Variants in C2CD3 observed in about 807,000 individuals in gnomAD.
C2CD3 encodes C2 domain containing 3 centriole elongation regulator.
A neutral mutation model predicts 234.0 loss-of-function variants in C2CD3; 148 were observed. That is an observed-to-expected ratio of 0.63 (90% CI 0.55 to 0.72). The LOEUF (loss-of-function observed/expected upper bound fraction) is 0.72, where lower values mean the gene tolerates loss of function less well. Ranked by LOEUF, C2CD3 falls within the 30% of genes least tolerant of loss-of-function variation. The probability of loss-of-function intolerance (pLI) is 0.00; values close to 1 mark genes in which losing one functional copy is unlikely to be tolerated. For missense variants in C2CD3, 2,577 were observed against 2,811.5 expected (o/e 0.92, Z 1.89); for synonymous variants, 1,000 against 1,035.4 (o/e 0.97, Z 0.66).
intron 24 of C2CD3, among the ~76,000 whole-genome samples, chr11:74,066,719 C>CAT (rs1954559219): frequency 6.6e-6 from 1 of 151,646 alleles, no homozygotes; most frequent in African/African-American, 2.4e-5. Context: ...TGACATGCAT[C>CAT]ATAGTCAATC....
At chr11:74,117,046 G>GTATA (rs1956997476) in intron 9 of C2CD3, among the ~76,000 whole-genome samples, 1 of 42,464 alleles carries the variant, frequency 2.4e-5, no homozygotes, top group Non-Finnish European at 5.6e-5. Flanking sequence ...ATACGTGTGT[G>GTATA]TGTATATATA....
chr11:74,060,157 G>A (rs1954164748), intron 24 of C2CD3, among the ~76,000 whole-genome samples: 2 of 152,200 alleles, frequency 1.3e-5, no homozygotes, highest in South Asian at 4.1e-4. Flanking sequence ...AGCTCAAGGA[G>A]GCTTGCCTGC....
chr11:74,057,959 T>TCAAC lies in C2CD3; in HGVS notation c.4952-416_4952-415insGTTG, dbSNP rs142800517. Among the ~76,000 whole-genome samples, 198 of 152,190 alleles carry TCAAC rather than the reference T, an allele frequency of 1.3e-3. 3 individuals carry two copies. The highest frequency in any genetic ancestry group is 4.0e-3 in the African/African-American group (166 of 41,508). On this transcript the variant is annotated intron_variant, in intron 24 of 32. Transcript: ENST00000334126. Reference sequence around the variant, plus strand: ...GGGGTACAGAGTGAGACCGTGTCAATCAATCAATCAATCAATTGATGACAT... The same window carrying TCAAC: ...GGGGTACAGAGTGAGACCGTGTCAATCAACCAATCAATCAATCAATTGATGACAT...
intron 30 of C2CD3, chr11:74,036,149 C>T (rs754716982): frequency 9.0e-5 from 23 of 256,862 alleles, no homozygotes; most frequent in Non-Finnish European, 1.3e-4. Flanking sequence ...TGTGAGCCAC[C>T]GTGCCTGGCC....
chr11:74,116,364 G>A (rs939611793), intron 9 of C2CD3, among the ~76,000 whole-genome samples: 5 of 151,612 alleles, frequency 3.3e-5, no homozygotes, highest in African/African-American at 7.3e-5. Context: ...GCCAACAAAC[G>A]TATGAAAATA....
At chr11:74,101,436 G>C (rs1956311933) in intron 14 of C2CD3, among the ~76,000 whole-genome samples, 1 of 152,178 alleles carries the variant, frequency 6.6e-6, no homozygotes, top group Admixed American at 6.5e-5. Context: ...AAGGGATGAT[G>C]AGAGGAAGAC....
At chr11:74,023,086 A>T (rs1952152990) in intron 32 of C2CD3, among the ~76,000 whole-genome samples, 1 of 152,190 alleles carries the variant, frequency 6.6e-6, no homozygotes, top group Non-Finnish European at 1.5e-5. Flanking sequence ...CTGTGGGAGG[A>T]GGGAGGGGAA....
intron 8 of C2CD3, among the ~76,000 whole-genome samples, chr11:74,119,773 C>A (rs890706760): frequency 1.3e-5 from 2 of 151,634 alleles, no homozygotes; most frequent in African/African-American, 4.9e-5. Context: ...GTAGCTGGGA[C>A]TAAAGGAATG....
chr11:74,039,498 C>T (rs113594273), intron 29 of C2CD3, among the ~76,000 whole-genome samples: 30 of 152,316 alleles, frequency 2.0e-4, no homozygotes, highest in African/African-American at 7.0e-4. Flanking sequence ...GAGTCTCAGG[C>T]CTTATCCTAG....
chr11:74,109,115 C>G lies in C2CD3; in HGVS notation c.1881G>C (p.Gln627His), dbSNP rs1301266033. 6.3e-7 allele frequency: 1 copy of G among 1,599,182 alleles called. No individual in the cohort carries two copies. Among genetic ancestry groups the G allele is most frequent in the Admixed American group, 1.8e-5 (1 of 56,974 alleles). The change falls in exon 12 of 33, where the codon CAG (glutamine) becomes CAC (histidine). Residue 627 changes from glutamine to histidine, a missense_variant. Coordinates refer to ENST00000334126, the MANE Select transcript of C2CD3 (RefSeq NM_001286577.2). ...KFQQRFVFPV[Q>H]FGGPMIEHWW... The stretch of plus-strand genomic sequence containing the variant: ...AGTGCTCTATCATTGGGCCACCAAA[C>G]TGTACTGGAAACACAAATCGCTGCT...
At chr11:74,115,430 A>G (rs1374806658) in intron 9 of C2CD3, among the ~76,000 whole-genome samples, 1 of 152,116 alleles carries the variant, frequency 6.6e-6, no homozygotes, top group Admixed American at 6.6e-5. Context: ...TTCCTTATGC[A>G]TATTTTCTAC....
At chr11:74,134,281 T>A (rs1041716787) in intron 5 of C2CD3, among the ~76,000 whole-genome samples, 4 of 152,236 alleles carry the variant, frequency 2.6e-5, no homozygotes, top group African/African-American at 9.6e-5. Context: ...TTCCACATCC[T>A]ATGCTTTTAA....
rs1384706030 is a variant in C2CD3 at position 74,170,727 on chromosome 11, G to A, written c.55+11C>T. On this transcript the variant is annotated intron_variant, in intron 1 of 32. Coordinates refer to ENST00000334126, the MANE Select transcript of C2CD3 (RefSeq NM_001286577.2). Reference sequence around the variant, plus strand: ...ATTACGCTTTCCTCAATCTTTGATCGCTCAGGTTACCTCTTTTTTTGCGCC... The same window carrying A: ...ATTACGCTTTCCTCAATCTTTGATCACTCAGGTTACCTCTTTTTTTGCGCC... The A allele has an allele frequency of 1.9e-6, 3 of 1,613,846 alleles. No homozygotes were observed. The highest frequency in any genetic ancestry group is 1.1e-5 in the South Asian group (1 of 91,072).
chr11:74,078,539 C>T lies in C2CD3; in HGVS notation c.4179G>A (p.Leu1393=), dbSNP rs761651691. ...CTTCATCCATTCTGACAAAATCTTT[C>T]AGGCTGTTCTCAAAGCTCCAGCCCA... is the stretch of plus-strand genomic sequence containing the variant. The part of the protein sequence containing the change: ...EHLGWSFENS[L]KDFVRMDEGE... Residue 1393 remains leucine (L), a synonymous_variant, in exon 23 of 33, where the codon CTG becomes CTA. Transcript: ENST00000334126. 1.4e-5 allele frequency: 23 copies of T among 1,614,032 alleles called. No individual in the cohort carries two copies. The highest frequency in any genetic ancestry group is 1.7e-6 in the Non-Finnish European group (2 of 1,180,024).
chr11:74,014,498 G>GTT (rs1205230654), intron 32 of C2CD3, among the ~76,000 whole-genome samples: 7 of 152,248 alleles, frequency 4.6e-5, no homozygotes, highest in African/African-American at 1.7e-4. Flanking sequence ...ACCCCCTGCA[G>GTT]TTCTGCTCAT....
At position 74,133,486 on chromosome 11, in the gene C2CD3, TG is replaced by T; in HGVS notation, c.1026del (p.Ser343AlafsTer62). The T allele has an allele frequency of 2.5e-6, 4 of 1,613,950 alleles. No individual in the cohort carries two copies. The highest frequency in any genetic ancestry group is 3.4e-6 in the Non-Finnish European group (4 of 1,179,800). On this transcript the variant is annotated frameshift_variant, in exon 6 of 33. Coordinates refer to ENST00000334126, the MANE Select transcript of C2CD3 (RefSeq NM_001286577.2). LOFTEE classifies it high-confidence loss of function. ...VISAMKSSPE[T>X]SMLLDQVHPP... ...GGATGAACTTGGTCCAACAACATGC[TG>T]GTCTCTGGGCTTGATTTCATTGCAG...
At chr11:74,092,081 T>C (rs1955918945) in intron 19 of C2CD3, among the ~76,000 whole-genome samples, 1 of 151,644 alleles carries the variant, frequency 6.6e-6, no homozygotes, top group African/African-American at 2.4e-5. Flanking sequence ...GAGACGAGTT[T>C]CGCTTTTGTT....
chr11:74,055,850 T>A (rs935659186), intron 25 of C2CD3, among the ~76,000 whole-genome samples: 1 of 152,240 alleles, frequency 6.6e-6, no homozygotes, highest in Non-Finnish European at 1.5e-5. Context: ...CACAGTCTCC[T>A]CAAGTGTAAA....
intron 12 of C2CD3, among the ~76,000 whole-genome samples, chr11:74,107,166 T>C (rs1956555786): frequency 6.6e-6 from 1 of 151,796 alleles, no homozygotes; most frequent in South Asian, 2.1e-4. Context: ...CTACTAAAAA[T>C]ACAAAAAAAT....
Sources: allele counts gnomAD v4.1 joint callset (sites outside exome capture counted in the v4.1 genomes callset), GRCh38; gene constraint gnomAD v4.1.1; transcripts MANE v1.5; gene names NCBI Gene and HGNC (gene_info 2026-07-23, HGNC 2026-07-21).